Variants in NRG1 observed in about 807,000 individuals in gnomAD.
NRG1 encodes the protein neuregulin 1.
NRG1 carries 18 observed loss-of-function variants against 63.8 expected under a neutral mutation model. The ratio of observed to expected loss-of-function variants is 0.28; its 90% CI spans 0.19 to 0.42. The LOEUF is 0.42. NRG1 is among the 10% of genes least tolerant of loss of function. The pLI, the probability that NRG1 is intolerant of heterozygous loss-of-function variation, is 1.00. For missense variants in NRG1, 762 were observed against 814.7 expected (o/e 0.94, Z 0.79); for synonymous variants, 302 against 301.3 (o/e 1.00, Z -0.02).
upstream of NRG1, among the ~76,000 whole-genome samples, chr8:32,544,821 C>T (rs944060283): frequency 6.6e-6 from 1 of 151,512 alleles, no homozygotes; most frequent in Non-Finnish European, 1.5e-5. Context: ...CCATGCCCGG[C>T]CTGTCTATCA....
chr8:32,391,049 A>T (rs1248445206), intron 1 of NRG1, among the ~76,000 whole-genome samples: 3 of 152,116 alleles, frequency 2.0e-5, no homozygotes, highest in African/African-American at 7.2e-5. Flanking sequence ...TTTTATTTTC[A>T]TCCACTGAAG....
intron 1 of NRG1, chr8:32,441,146 C>T (rs1342534372): frequency 6.6e-6 from 1 of 152,126 alleles, no homozygotes; most frequent in Non-Finnish European, 1.5e-5. Context: ...TTAGTGTTCT[C>T]ATGCTCAGAG....
intron 1 of NRG1, among the ~76,000 whole-genome samples, chr8:32,572,358 A>G (rs1021649038): frequency 6.6e-6 from 1 of 152,216 alleles, no homozygotes; most frequent in African/African-American, 2.4e-5. Flanking sequence ...TGTTATCAAT[A>G]TATCATAAGT....
At chr8:32,382,223 G>C (rs1284052501) in intron 1 of NRG1, among the ~76,000 whole-genome samples, 1 of 152,236 alleles carries the variant, frequency 6.6e-6, no homozygotes, top group South Asian at 2.1e-4. Flanking sequence ...AATTTAGCAG[G>C]TGTCAGAATC....
intron 1 of NRG1, among the ~76,000 whole-genome samples, chr8:31,967,532 A>G (rs1350358839): frequency 1.3e-5 from 2 of 152,174 alleles, no homozygotes; most frequent in East Asian, 1.9e-4. Flanking sequence ...GGCAACAAGG[A>G]AAGAGCCCTG....
chr8:32,745,035 A>T (rs944246274), intron 7 of NRG1, among the ~76,000 whole-genome samples: 2 of 152,182 alleles, frequency 1.3e-5, no homozygotes, highest in Non-Finnish European at 2.9e-5. Flanking sequence ...TGCAACAGAG[A>T]TGCCTCATGT....
chr8:32,044,625 G>A (rs1226790448), intron 1 of NRG1, among the ~76,000 whole-genome samples: 1 of 151,498 alleles, frequency 6.6e-6, no homozygotes, highest in Non-Finnish European at 1.5e-5. Context: ...TTTGTCCATA[G>A]TGTAATTAAA....
chr8:31,908,961 T>A (rs1585672183), intron 1 of NRG1, among the ~76,000 whole-genome samples: 1 of 152,144 alleles, frequency 6.6e-6, no homozygotes. Flanking sequence ...TATATAAAGA[T>A]AAGGTTGATC....
At chr8:32,331,021 G>T (rs1021917708) in intron 1 of NRG1, among the ~76,000 whole-genome samples, 1 of 152,020 alleles carries the variant, frequency 6.6e-6, no homozygotes, top group East Asian at 1.9e-4. Flanking sequence ...TCTAGTATGA[G>T]AGTTTCTATT....
chr8:32,477,018 G>T (rs1205968605), intron 1 of NRG1, among the ~76,000 whole-genome samples: 1 of 152,208 alleles, frequency 6.6e-6, no homozygotes, highest in African/African-American at 2.4e-5. Flanking sequence ...GACAATGTAT[G>T]TAGATCAAAG....
At chr8:32,322,252 A>G (rs1801484766) in intron 1 of NRG1, among the ~76,000 whole-genome samples, 1 of 151,908 alleles carries the variant, frequency 6.6e-6, no homozygotes, top group South Asian at 2.1e-4. Flanking sequence ...TCTGACTATA[A>G]CATGCACACT....
At chr8:32,140,262 T>G (rs909959473) in intron 1 of NRG1, among the ~76,000 whole-genome samples, 13 of 152,140 alleles carry the variant, frequency 8.5e-5, no homozygotes, top group African/African-American at 3.1e-4. Context: ...GTGTATCATT[T>G]TTTTTTAATG....
chr8:32,274,758 G>A (rs1193381727), intron 1 of NRG1, among the ~76,000 whole-genome samples: 2 of 152,040 alleles, frequency 1.3e-5, no homozygotes. Context: ...CTCCAGATGT[G>A]TCAAATCAAG....
chr8:31,691,203 A>G (rs1350732129), intron 1 of NRG1, among the ~76,000 whole-genome samples: 2 of 152,304 alleles, frequency 1.3e-5, no homozygotes, highest in Admixed American at 1.3e-4. Flanking sequence ...GCAAATGACA[A>G]AGGGGAATTT....
intron 2 of NRG1, among the ~76,000 whole-genome samples, chr8:32,598,770 T>C (rs924226649): frequency 7.2e-5 from 11 of 152,102 alleles, no homozygotes; most frequent in African/African-American, 2.4e-4. Context: ...ATTGGGTATT[T>C]TGTCATTTCT....
intron 1 of NRG1, among the ~76,000 whole-genome samples, chr8:32,003,881 C>G (rs564464063): frequency 6.6e-6 from 1 of 151,362 alleles, no homozygotes. Context: ...GAAGATAATA[C>G]GTTACTAAAG....
intron 1 of NRG1, among the ~76,000 whole-genome samples, chr8:32,006,560 C>T (rs933233504): frequency 6.6e-6 from 1 of 152,102 alleles, no homozygotes; most frequent in African/African-American, 2.4e-5. Context: ...ACGAAAGCAT[C>T]AGGGAAAGTC....
At chr8:32,456,396 G>C (rs988154779) in intron 1 of NRG1, among the ~76,000 whole-genome samples, 15 of 152,036 alleles carry the variant, frequency 9.9e-5, no homozygotes, top group African/African-American at 3.6e-4. Flanking sequence ...ATTGACCCTT[G>C]AACAACACAG....
At chr8:32,631,632 A>T (rs1850328818) in intron 5 of NRG1, among the ~76,000 whole-genome samples, 1 of 152,222 alleles carries the variant, frequency 6.6e-6, no homozygotes, top group Non-Finnish European at 1.5e-5. Flanking sequence ...ATCACTGATT[A>T]GAACCTGAGT....
Sources: allele counts gnomAD v4.1 joint callset (sites outside exome capture counted in the v4.1 genomes callset), GRCh38; gene constraint gnomAD v4.1.1; transcripts MANE v1.5; gene names NCBI Gene and HGNC (gene_info 2026-07-23, HGNC 2026-07-21).